Variants in SMIM23 observed in about 807,000 individuals in gnomAD.
The protein encoded by SMIM23 is CTB-78H18.1.
SMIM23 carries 10 observed loss-of-function variants against 12.8 expected under a neutral mutation model. The observed-to-expected ratio is 0.78, with a 90% CI of 0.48 to 1.32. The LOEUF (loss-of-function observed/expected upper bound fraction) is 1.32, where lower values mean the gene tolerates loss of function less well. SMIM23 is among the 40% of genes most tolerant of loss of function. The probability of loss-of-function intolerance (pLI) is 0.00; values close to 1 mark genes in which losing one functional copy is unlikely to be tolerated. For synonymous variants in SMIM23, 78 were observed against 80.1 expected (o/e 0.97, Z 0.14); for missense variants, 184 against 198.2 (o/e 0.93, Z 0.43).
Position 171,786,066 on chromosome 5 carries a change from T to A in SMIM23, c.105+90T>A, listed in dbSNP as rs952718333. 20 of 1,091,484 alleles carry A rather than the reference T, an allele frequency of 1.8e-5. No homozygotes were observed. In the East Asian group the frequency reaches 5.2e-4, roughly 28 times the overall value. 67.6% of individuals were successfully genotyped at this position (1,091,484 alleles called of 1,614,324 possible). The stretch of plus-strand genomic sequence containing the variant: ...ACTAGAAGTCCCTCAAAGCCCGGAA[T>A]GAATCTTGGACCCAACCGTCCCTGG... On this transcript the variant is annotated intron_variant, in intron 1 of 3. Coordinates refer to ENST00000523047, the MANE Select transcript of SMIM23 (RefSeq NM_001289970.2).
chr5:171,775,993 T>A, the SMIM23 span, among the ~76,000 whole-genome samples: 9 of 152,212 alleles, frequency 5.9e-5, no homozygotes, highest in East Asian at 5.8e-4. Flanking sequence ...TGCCTCAGCC[T>A]CCCAAGTAGC....
chr5:171,774,414 T>C, the SMIM23 span: 2 of 456,236 alleles, frequency 4.4e-6, no homozygotes, highest in Non-Finnish European at 8.8e-6. Flanking sequence ...GCAGAAACAA[T>C]ATGGGAACCC....
At position 171,791,082 on chromosome 5, in the gene SMIM23, G is replaced by T; in HGVS notation, c.513G>T (p.Glu171Asp). Residue 171 changes from glutamate to aspartate, a missense_variant, in exon 4 of 4, where the codon GAG becomes GAT. Transcript: ENST00000523047. ...GLLEISLSGAEL is the reference protein window; with the variant it reads ...GLLEISLSGADL ...TAGAGATTTCTCTAAGCGGGGCAGAGCTCTGACTCTTGAAGTTCCAGTCAG... is the reference window on the plus strand; with the variant it reads ...TAGAGATTTCTCTAAGCGGGGCAGATCTCTGACTCTTGAAGTTCCAGTCAG... 1 of 1,485,908 alleles carries T rather than the reference G, an allele frequency of 6.7e-7. No individual in the cohort carries two copies. Among genetic ancestry groups the T allele is most frequent in the Non-Finnish European group, 8.9e-7 (1 of 1,124,702 alleles). The allele number at this position is 1,485,908 out of a possible 1,614,324, so 92.0% of individuals were successfully genotyped here. A position where few individuals can be genotyped will look rare whatever the true frequency, so the allele number is the denominator to read the frequency against.
rs10037031 is a variant in SMIM23 at position 171,790,231 on chromosome 5, C to T, written c.107C>T (p.Thr36Met). The T allele has an allele frequency of 8.5e-3, 13,127 of 1,535,998 alleles. 929 individuals carry two copies. In the African/African-American group the frequency reaches 0.16, roughly 18 times the overall value. Reference protein sequence around the residue: ...RGSHCDDEKQTLLALLILVLY... With the variant: ...RGSHCDDEKQMLLALLILVLY... Reference sequence around the variant, plus strand: ...CCTCTTCCTCTTCTTGCACCCTAGACGCTGTTGGCATTGCTGATCTTGGTG... The same window carrying T: ...CCTCTTCCTCTTCTTGCACCCTAGATGCTGTTGGCATTGCTGATCTTGGTG... The change falls in exon 2 of 4, where the codon ACG (threonine) becomes ATG (methionine). Residue 36 changes from threonine (T) to methionine (M), a missense_variant and splice_region_variant. Physicochemically the swap from Thr to Met is moderately conservative, Grantham distance 81. Transcript: ENST00000523047.
chr5:171,775,895 G>T, the SMIM23 span, among the ~76,000 whole-genome samples: 1 of 151,982 alleles, frequency 6.6e-6, no homozygotes, highest in Non-Finnish European at 1.5e-5. Context: ...TTTTTGAGAC[G>T]AAGTTTCACT....
upstream of SMIM23, among the ~76,000 whole-genome samples, chr5:171,780,869 A>G (rs1471420324): frequency 6.6e-6 from 1 of 152,194 alleles, no homozygotes; most frequent in Non-Finnish European, 1.5e-5. Flanking sequence ...ACGGCCACCA[A>G]GAGCCAGGGT....
upstream of SMIM23, among the ~76,000 whole-genome samples, chr5:171,779,790 C>A (rs543015401): frequency 6.7e-6 from 1 of 148,934 alleles, no homozygotes; most frequent in African/African-American, 2.5e-5. Context: ...GGGAATGAAG[C>A]GAGGAAGGCA....
the SMIM23 span, among the ~76,000 whole-genome samples, chr5:171,773,019 AG>A: frequency 1.3e-5 from 2 of 152,308 alleles, no homozygotes; most frequent in East Asian, 3.9e-4. Flanking sequence ...TTTGCCTTCA[AG>A]GACACAAAAC....
At chr5:171,786,300 C>T (rs1292652624) in intron 1 of SMIM23, among the ~76,000 whole-genome samples, 1 of 152,180 alleles carries the variant, frequency 6.6e-6, no homozygotes, top group Non-Finnish European at 1.5e-5. Flanking sequence ...ACTGATAATA[C>T]TCCTGAATTG....
upstream of SMIM23, among the ~76,000 whole-genome samples, chr5:171,783,710 T>C (rs1318260001): frequency 6.6e-6 from 1 of 152,156 alleles, no homozygotes; most frequent in Non-Finnish European, 1.5e-5. Context: ...ATAGACTGGA[T>C]CAAAACATAA....
chr5:171,778,682 T>C (rs1055181418), upstream of SMIM23, among the ~76,000 whole-genome samples: 5 of 152,218 alleles, frequency 3.3e-5, no homozygotes, highest in African/African-American at 1.2e-4. Flanking sequence ...TTTAGACTTA[T>C]GGTTTCCAGA....
At chr5:171,776,835 T>C in the SMIM23 span, among the ~76,000 whole-genome samples, 1 of 152,182 alleles carries the variant, frequency 6.6e-6, no homozygotes, top group Non-Finnish European at 1.5e-5. Flanking sequence ...CACACTCAAC[T>C]AATTGAGGGG....
upstream of SMIM23, among the ~76,000 whole-genome samples, chr5:171,782,915 G>A (rs1230898460): frequency 2.6e-5 from 4 of 152,134 alleles, no homozygotes; most frequent in Non-Finnish European, 4.4e-5. Context: ...GTGTATAGCC[G>A]GCCTCCGTAT....
the SMIM23 span, chr5:171,774,497 C>T: frequency 5.0e-5 from 23 of 456,072 alleles, no homozygotes; most frequent in Middle Eastern, 3.2e-4. Context: ...CTCGGATGGC[C>T]GAGGGGATCC....
chr5:171,778,489 A>T (rs1464570820), upstream of SMIM23, among the ~76,000 whole-genome samples: 10 of 127,726 alleles, frequency 7.8e-5, no homozygotes, highest in East Asian at 2.4e-3. Flanking sequence ...ACACACACAC[A>T]CACAGATAGA....
chr5:171,784,371 G>A (rs1187006516), upstream of SMIM23, among the ~76,000 whole-genome samples: 1 of 152,152 alleles, frequency 6.6e-6, no homozygotes, highest in Non-Finnish European at 1.5e-5. Context: ...CGGGTGTGGT[G>A]GCGGGTGCCT....
chr5:171,779,448 A>G (rs1355262369), upstream of SMIM23, among the ~76,000 whole-genome samples: 1 of 152,182 alleles, frequency 6.6e-6, no homozygotes, highest in Non-Finnish European at 1.5e-5. Flanking sequence ...AAAGGCAGGC[A>G]CCAGACCCAG....
chr5:171,786,016 G>A, intron 1 of SMIM23, 40 bp downstream of exon 1: 1 of 1,494,568 alleles, frequency 6.7e-7, no homozygotes, highest in Non-Finnish European at 9.0e-7. Flanking sequence ...CCTCCCATCT[G>A]GGCTCCTTTT....
chr5:171,773,859 A>G, the SMIM23 span: 1 of 456,342 alleles, frequency 2.2e-6, no homozygotes. Flanking sequence ...AACTTATTTT[A>G]AAAAATTAAA....
Sources: gnomAD v4.1 joint callset for allele counts (sites outside exome capture counted in the v4.1 genomes callset) on GRCh38, gnomAD v4.1.1 for gene constraint, MANE v1.5 for transcripts, NCBI Gene and HGNC (gene_info 2026-07-23, HGNC 2026-07-21) for gene names.